Variants in WDR47 observed in about 807,000 individuals in gnomAD.
The protein encoded by WDR47 is WD repeat domain 47.
WDR47 carries 32 observed loss-of-function variants against 97.2 expected under a neutral mutation model. That is an observed-to-expected ratio of 0.33 (90% confidence interval 0.25 to 0.44). The LOEUF is 0.44. Among genes scored for constraint, WDR47 ranks in the 20% least tolerant of loss-of-function variants. The pLI, the probability that WDR47 is intolerant of heterozygous loss-of-function variation, is 1.00. For missense variants in WDR47, 782 were observed against 1,102.3 expected (o/e 0.71, Z 4.11); for synonymous variants, 375 against 373.5 (o/e 1.00, Z -0.05).
At chr1:109,037,618 C>A (rs1387152399) in intron 1 of WDR47, among the ~76,000 whole-genome samples, 25 of 140,238 alleles carry the variant, frequency 1.8e-4, no homozygotes, top group Middle Eastern at 3.6e-3. Context: ...CAGAGCGAGA[C>A]CTCGTCTCAA....
chr1:108,974,972 A>AT (rs1019749026), intron 13 of WDR47, among the ~76,000 whole-genome samples: 1 of 152,154 alleles, frequency 6.6e-6, no homozygotes, highest in African/African-American at 2.4e-5. Context: ...GAGAAAGTCC[A>AT]TTTTTTGTCA....
intron 5 of WDR47, among the ~76,000 whole-genome samples, chr1:109,006,697 G>A (rs1428951300): frequency 6.6e-6 from 1 of 152,130 alleles, no homozygotes; most frequent in Non-Finnish European, 1.5e-5. Flanking sequence ...CTAGAAAATA[G>A]AGCTTGAACT....
At chr1:109,036,202 C>G (rs1662928898) in intron 1 of WDR47, among the ~76,000 whole-genome samples, 2 of 152,212 alleles carry the variant, frequency 1.3e-5, no homozygotes, top group African/African-American at 4.8e-5. Flanking sequence ...AAAAACCATT[C>G]TTCACCAGAA....
chr1:109,023,299 A>G lies in WDR47; in HGVS notation c.158+56T>C, dbSNP rs1395446615. 1.9e-6 allele frequency: 3 copies of G among 1,548,450 alleles called. No homozygotes were observed. In the East Asian group the frequency reaches 6.8e-5, roughly 35 times the overall value. ...TCTGTATTATATATATTACCTTATT[A>G]ATACTTAACATTTCTTCGAAGGAGC... On this transcript the variant is annotated intron_variant, in intron 2 of 14. Coordinates refer to ENST00000369962, the MANE Select transcript of WDR47 (RefSeq NM_001142551.2).
chr1:109,014,200 A>G (rs1661241072), intron 3 of WDR47, among the ~76,000 whole-genome samples: 1 of 152,078 alleles, frequency 6.6e-6, no homozygotes. Context: ...TTATATCCAA[A>G]ATGTTTTGTT....
At position 109,000,483 on chromosome 1, in the gene WDR47, T is replaced by G. The variant is rs1318032287; in HGVS notation, c.1433+1741A>C. ...GAGATCGCACCACTGCACTTCAGCC[T>G]GGGCGACAGAGCTAGACTCTGTCTC... On this transcript the variant is annotated intron_variant, in intron 7 of 14. Coordinates refer to ENST00000369962, the MANE Select transcript of WDR47 (RefSeq NM_001142551.2). Among the ~76,000 whole-genome samples the G allele has an allele frequency of 6.3e-5, 7 of 110,656 alleles. 1 individual carries two copies. The South Asian group carries it at 9.7e-4, about 15-fold the overall frequency. The allele number at this position is 110,656 out of a possible 152,430, so 72.6% of individuals were successfully genotyped here. A position where few individuals can be genotyped will look rare whatever the true frequency, so the allele number is the denominator to read the frequency against.
rs1024422290 is a variant in WDR47, at chr1:108,974,447, T to G, written c.2617+89A>C. On this transcript the variant is annotated intron_variant, in intron 14 of 14. Coordinates refer to ENST00000369962, the MANE Select transcript of WDR47 (RefSeq NM_001142551.2). The stretch of plus-strand genomic sequence containing the variant: ...AATACTATAAAATAATTGAAAGTAT[T>G]ATATAATCAACCACATCACATTAAC... 8.2e-6 allele frequency: 8 copies of G among 974,528 alleles called. No homozygotes were observed. The African/African-American group carries it at 1.2e-4, about 14-fold the overall frequency. 60.4% of individuals were successfully genotyped at this position (974,528 alleles called of 1,614,324 possible). A position where few individuals can be genotyped will look rare whatever the true frequency, so the allele number is the denominator to read the frequency against.
chr1:109,002,275 T>G lies in WDR47; in HGVS notation c.1382A>C (p.Gln461Pro). The change falls in exon 7 of 15, where the codon CAG (glutamine) becomes CCG (proline). Residue 461 changes from glutamine to proline, a missense_variant. By Grantham distance (76) the Gln-to-Pro change is moderately conservative. Around this residue, in one of 3 missense-constraint regions of WDR47, gnomAD observed 428 missense variants for 584.3 expected, o/e 0.73. Transcript: ENST00000369962. ...QQMLLEGGVN[Q>P]EDGPDQQQNL... ...CTGCTGCTGATCAGGACCATCCTCC[T>G]GATTCACGCCTCCTTCAAGCAACAT... 1 of 1,612,122 alleles carries G rather than the reference T, an allele frequency of 6.2e-7. No individual in the cohort carries two copies. Among genetic ancestry groups the G allele is most frequent in the Non-Finnish European group, 8.5e-7 (1 of 1,179,752 alleles).
intron 14 of WDR47, among the ~76,000 whole-genome samples, chr1:108,973,470 T>C (rs1657638886): frequency 6.6e-6 from 1 of 152,222 alleles, no homozygotes; most frequent in Non-Finnish European, 1.5e-5. Context: ...CTAATTGATA[T>C]ACAATAAATA....
At chr1:109,024,417 C>A (rs1297521907) in intron 1 of WDR47, among the ~76,000 whole-genome samples, 1 of 150,768 alleles carries the variant, frequency 6.6e-6, no homozygotes, top group Non-Finnish European at 1.5e-5. Flanking sequence ...CGTGCCACTG[C>A]ACTACAGCCT....
intron 1 of WDR47, among the ~76,000 whole-genome samples, chr1:109,027,576 T>G (rs1292408216): frequency 6.6e-6 from 1 of 151,718 alleles, no homozygotes; most frequent in Non-Finnish European, 1.5e-5. Context: ...CAGGCAAGAG[T>G]GCAGTGGTGC....
intron 2 of WDR47, among the ~76,000 whole-genome samples, chr1:109,019,941 A>C (rs1661698412): frequency 6.6e-6 from 1 of 152,174 alleles, no homozygotes; most frequent in Admixed American, 6.6e-5. Flanking sequence ...TATGCTGCAA[A>C]GAAGAAATAT....
intron 2 of WDR47, 86 bp downstream of exon 2, chr1:109,023,269 T>G (rs1661980237): frequency 1.6e-6 from 2 of 1,223,938 alleles, no homozygotes; most frequent in Non-Finnish European, 2.2e-6. Context: ...GATTATAAAG[T>G]TCTATCTGTA....
At chr1:109,002,444 A>G in intron 6 of WDR47, 42 bp from the exon 7 acceptor site, 2 of 1,415,598 alleles carry the variant, frequency 1.4e-6, no homozygotes, top group East Asian at 2.5e-5. Flanking sequence ...TGAGCAAACT[A>G]TGACAGAATA....
chr1:108,981,278 A>G (rs1236986147), intron 13 of WDR47, among the ~76,000 whole-genome samples: 1 of 152,082 alleles, frequency 6.6e-6, no homozygotes. Flanking sequence ...TTGTGTTTAC[A>G]GGAGAAGGGA....
intron 2 of WDR47, among the ~76,000 whole-genome samples, chr1:109,019,994 C>T (rs1462843077): frequency 1.3e-5 from 2 of 151,978 alleles, no homozygotes; most frequent in Non-Finnish European, 2.9e-5. Flanking sequence ...CCTGTAAATC[C>T]TAGCACTTTG....
rs11463051 is a variant in WDR47 at position 108,980,349 on chromosome 1, T to TAA, written c.2398+1382_2398+1383dup. Among the ~76,000 whole-genome samples, 779 of 151,640 alleles carry TAA rather than the reference T, an allele frequency of 5.1e-3. 8 individuals are homozygous for TAA. Among genetic ancestry groups the TAA allele is most frequent in the African/African-American group, 0.018 (744 of 41,356 alleles). ...AAACTCAAAAGAATAAACAAGGCAT[T>TAA]AAAAAAAACACTAAAAATTTAGAAT... On this transcript the variant is annotated intron_variant, in intron 13 of 14. Transcript: ENST00000369962.
At chr1:109,004,175 G>C (rs1660410778) in intron 6 of WDR47, among the ~76,000 whole-genome samples, 1 of 151,782 alleles carries the variant, frequency 6.6e-6, no homozygotes, top group South Asian at 2.1e-4. Flanking sequence ...TGAGGCAGGA[G>C]AGTGGCACAA....
At chr1:109,041,016 A>G (rs903815434) in intron 1 of WDR47, among the ~76,000 whole-genome samples, 1 of 151,896 alleles carries the variant, frequency 6.6e-6, no homozygotes, top group African/African-American at 2.4e-5. Context: ...TGCCAAAAAA[A>G]AAAAACGGTC....
Sources: allele counts gnomAD v4.1 joint callset (sites outside exome capture counted in the v4.1 genomes callset), GRCh38; gene constraint gnomAD v4.1.1; regional missense constraint gnomAD v4.1.1; transcripts MANE v1.5; gene names NCBI Gene and HGNC (gene_info 2026-07-23, HGNC 2026-07-21).